Variants in POLR2E observed in about 807,000 individuals in gnomAD.
POLR2E encodes the protein DNA-directed RNA polymerases I, II, and III subunit RPABC1.
Under a neutral mutation model 29.8 loss-of-function variants are expected in POLR2E, and 35 were observed. The observed-to-expected ratio is 1.17, with a 90% CI of 0.90 to 1.55. POLR2E has a LOEUF of 1.55. POLR2E is among the 40% of genes most tolerant of loss of function. The pLI, the probability that POLR2E is intolerant of heterozygous loss-of-function variation, is 0.00. For synonymous variants in POLR2E, 174 were observed against 112.6 expected (o/e 1.55, Z -3.45); for missense variants, 287 against 288.6 (o/e 0.99, Z 0.04).
intron 3 of POLR2E, 55 bp from the exon 4 acceptor site, chr19:1,091,043 C>G: frequency 6.8e-7 from 1 of 1,481,024 alleles, no homozygotes; most frequent in Non-Finnish European, 9.4e-7. Context: ...AACCCCAACC[C>G]CATTTCCTGC....
At chr19:1,090,456 C>G (rs1402850386) in intron 4 of POLR2E, among the ~76,000 whole-genome samples, 2 of 137,782 alleles carry the variant, frequency 1.5e-5, no homozygotes, top group Non-Finnish European at 3.1e-5. Context: ...GGCCCGGGAT[C>G]TGCATTTTTT....
rs528897937 is a variant in POLR2E at position 1,093,519 on chromosome 19, C to T, written c.232+385G>A. 1.8e-4 allele frequency among the ~76,000 whole-genome samples: 28 copies of T among 152,124 alleles called. 2 individuals are homozygous for T. The South Asian group carries it at 5.4e-3, about 29-fold the overall frequency. On this transcript the variant is annotated intron_variant, in intron 2 of 7. Coordinates refer to ENST00000615234, the MANE Select transcript of POLR2E (RefSeq NM_002695.5). ...TGGGGCGGGCAGGGGCCGCAGCTCA[C>T]AAGGAGGCTGCGCTGACCCAGACGG...
rs369522668 is a variant in POLR2E, at chr19:1,090,980, G to A, written c.357C>T (p.Val119=). ...GMTPSAKQSL[V]DMAPKYILEQ... Reference sequence around the variant, plus strand: ...CCAGGATGTACTTGGGGGCCATGTCGACCAGGGACTGGAAGAGAGCGGCTC... The same window carrying A: ...CCAGGATGTACTTGGGGGCCATGTCAACCAGGGACTGGAAGAGAGCGGCTC... The change falls in exon 4 of 8, where the codon GTC becomes GTT. Residue 119 remains valine, a synonymous_variant. Coordinates refer to ENST00000615234, the MANE Select transcript of POLR2E (RefSeq NM_002695.5). 190 of 1,613,592 alleles carry A rather than the reference G, an allele frequency of 1.2e-4. 1 individual carries two copies. The South Asian group carries it at 1.8e-3, about 15-fold the overall frequency.
At position 1,095,358 on chromosome 19, in the gene POLR2E, C is replaced by A. The variant is rs762590254; in HGVS notation, c.-43G>T. 1.3e-5 allele frequency: 21 copies of A among 1,610,050 alleles called. No homozygotes were observed. The highest frequency in any genetic ancestry group is 4.0e-5 in the African/African-American group (3 of 74,806). On this transcript the variant is annotated 5_prime_UTR_variant, in exon 1 of 8. Coordinates refer to ENST00000615234, the MANE Select transcript of POLR2E (RefSeq NM_002695.5). ...CCGCCGCTCGCACCCCTTCTCCGCGCGAGAACCCGCGCGGACTGCGCCTGC... is the reference window on the plus strand; with the variant it reads ...CCGCCGCTCGCACCCCTTCTCCGCGAGAGAACCCGCGCGGACTGCGCCTGC...
intron 2 of POLR2E, chr19:1,093,681 G>C (rs1568516441): frequency 7.8e-7 from 1 of 1,274,816 alleles, no homozygotes; most frequent in African/African-American, 1.6e-5. Flanking sequence ...TTGGCAGGAA[G>C]AGAGAAGGGG....
chr19:1,091,362 C>T (rs2043825193), intron 3 of POLR2E: 1 of 370,428 alleles, frequency 2.7e-6, no homozygotes, highest in African/African-American at 2.1e-5. Flanking sequence ...GACTGCCCGT[C>T]ACAGCACAGC....
chr19:1,090,292 C>G (rs2043801288), intron 4 of POLR2E, 147 bp from the exon 5 acceptor site: 1 of 709,014 alleles, frequency 1.4e-6, no homozygotes, highest in East Asian at 2.7e-5. Context: ...CCCACCCACC[C>G]CACCCTGGCT....
At chr19:1,090,451 G>A (rs1020607988) in intron 4 of POLR2E, among the ~76,000 whole-genome samples, 9 of 148,030 alleles carry the variant, frequency 6.1e-5, no homozygotes, top group South Asian at 4.2e-4. Flanking sequence ...GGGTGGGCCC[G>A]GGATCTGCAT....
Position 1,089,561 on chromosome 19 carries a change from C to CA in POLR2E, c.568-11dup, listed in dbSNP as rs2043784057. ...GGATGATCTTCACCACCTGCAGAGA[C>CA]AGAGAGCAGGGGCTGCGAATGCTTG... On this transcript the variant is annotated splice_polypyrimidine_tract_variant and intron_variant, in intron 6 of 7. Transcript: ENST00000615234. The CA allele has an allele frequency of 1.2e-6, 2 of 1,612,722 alleles. No individual in the cohort carries two copies. Among genetic ancestry groups the CA allele is most frequent in the East Asian group, 2.2e-5 (1 of 44,876 alleles).
At chr19:1,089,813 G>T in intron 6 of POLR2E, 71 bp downstream of exon 6, 2 of 1,261,078 alleles carry the variant, frequency 1.6e-6, no homozygotes, top group Non-Finnish European at 2.3e-6. Context: ...TGTCGGGGAG[G>T]GACAGAAGCC....
In POLR2E at chr19:1,089,476, C is replaced by G. The variant is rs375179634; in HGVS notation, c.*10G>C. 1.2e-6 allele frequency: 2 copies of G among 1,611,246 alleles called. No homozygotes were observed. ...CCTGTCCCTCGGCCGTCTCACCTGT[C>G]AGGCGGTAGCTACTGCACCAGCCGG... is the stretch of plus-strand genomic sequence containing the variant. On this transcript the variant is annotated 3_prime_UTR_variant, in exon 7 of 8. Coordinates refer to ENST00000615234, the MANE Select transcript of POLR2E (RefSeq NM_002695.5).
chr19:1,093,922 T>C lies in POLR2E; in HGVS notation c.214A>G (p.Met72Val). Residue 72 changes from methionine (M) to valine (V), a missense_variant, in exon 2 of 8, where the codon ATG becomes GTG. By Grantham distance (21) the Met-to-Val change is conservative (BLOSUM62 1). Coordinates refer to ENST00000615234, the MANE Select transcript of POLR2E (RefSeq NM_002695.5). ...VAHNDDPTDQ[M>V]FVFFPEEPKV... The stretch of plus-strand genomic sequence containing the variant: ...TGCTCACCTGGAAAGAACACAAACA[T>C]CTGGTCGGTGGGGTCATCGTTGTGG... The C allele has an allele frequency of 6.2e-7, 1 of 1,605,954 alleles. No individual in the cohort carries two copies. Among genetic ancestry groups the C allele is most frequent in the Non-Finnish European group, 8.5e-7 (1 of 1,176,108 alleles).
chr19:1,093,157 G>T (rs1027410856), intron 2 of POLR2E, among the ~76,000 whole-genome samples: 1 of 152,102 alleles, frequency 6.6e-6, no homozygotes, highest in Non-Finnish European at 1.5e-5. Context: ...CTGCACTCCA[G>T]CCTGGGCGAC....
intron 2 of POLR2E, 69 bp downstream of exon 2, chr19:1,093,835 G>A: frequency 4.0e-6 from 6 of 1,482,794 alleles, no homozygotes; most frequent in Non-Finnish European, 5.4e-6. Context: ...GGGGGTGGGT[G>A]CTAGCGACCG....
Position 1,086,732 on chromosome 19 carries a change from G to A in POLR2E, c.*2003C>T, listed in dbSNP as rs772305091. ...AGAGAGAGCCCCGTGGCGTGGCCCT[G>A]GGCCTCCCCCTAGGGGAGGGATGTG... On this transcript the variant is annotated 3_prime_UTR_variant, in exon 8 of 8. Coordinates refer to ENST00000615234, the MANE Select transcript of POLR2E (RefSeq NM_002695.5). 4.1e-4 allele frequency: 62 copies of A among 152,274 alleles called. No homozygotes were observed. Among genetic ancestry groups the A allele is most frequent in the Non-Finnish European group, 6.9e-4 (47 of 67,996 alleles). 9.4% of individuals were successfully genotyped at this position (152,274 alleles called of 1,614,324 possible).
rs1048301206 is a variant in POLR2E at position 1,091,103 on chromosome 19, G to A, written c.349-115C>T. The A allele has an allele frequency of 9.5e-4, 778 of 819,774 alleles. 3 individuals carry two copies. Among genetic ancestry groups the A allele is most frequent in the Non-Finnish European group, 1.4e-3 (710 of 516,852 alleles). The allele number at this position is 819,774 out of a possible 1,614,324, so 50.8% of individuals were successfully genotyped here. A position where few individuals can be genotyped will look rare whatever the true frequency, so the allele number is the denominator to read the frequency against. ...TGTGCCCCAACAACACACCCACGTC[G>A]TGAATCAGAAAACCCCACCGCCAGC... On this transcript the variant is annotated intron_variant, in intron 3 of 7. Coordinates refer to ENST00000615234, the MANE Select transcript of POLR2E (RefSeq NM_002695.5).
chr19:1,091,298 T>C (rs1245388290), intron 3 of POLR2E, among the ~76,000 whole-genome samples: 3 of 152,340 alleles, frequency 2.0e-5, no homozygotes, highest in South Asian at 4.1e-4. Context: ...GGTGCTGCTC[T>C]GTGTGGCTGC....
intron 5 of POLR2E, 50 bp downstream of exon 5, chr19:1,090,037 A>C (rs187576056): frequency 2.6e-6 from 4 of 1,554,302 alleles, no homozygotes; most frequent in Non-Finnish European, 3.5e-6. Flanking sequence ...GGGAACGCGG[A>C]AGTCTCGAGG....
At chr19:1,091,768 G>T in intron 3 of POLR2E, 24 bp downstream of exon 3, 2 of 1,466,158 alleles carry the variant, frequency 1.4e-6, no homozygotes, top group Non-Finnish European at 1.9e-6. Flanking sequence ...GGAGAGGCTG[G>T]CGGGGTGGGG....
Sources: gnomAD v4.1 joint callset for allele counts (sites outside exome capture counted in the v4.1 genomes callset) on GRCh38, gnomAD v4.1.1 for gene constraint, MANE v1.5 for transcripts, NCBI Gene and HGNC (gene_info 2026-07-23, HGNC 2026-07-21) for gene names.